GMDS: variants seen among roughly 807,000 people sequenced by gnomAD.
GMDS encodes GDP-mannose 4,6-dehydratase.
GMDS carries 20 observed loss-of-function variants against 49.9 expected under a neutral mutation model. The observed-to-expected ratio is 0.40, with a 90% confidence interval of 0.28 to 0.58. The LOEUF (loss-of-function observed/expected upper bound fraction) is 0.58. GMDS is among the 20% of genes least tolerant of loss of function. The probability of loss-of-function intolerance (pLI) is 0.42; values close to 1 mark genes in which losing one functional copy is unlikely to be tolerated. For synonymous variants in GMDS, 177 were observed against 178.6 expected, an observed-to-expected ratio of 0.99 and a Z score of 0.07; for missense variants, 362 against 481.4, an observed-to-expected ratio of 0.75 and a Z score of 2.32.
intron 4 of GMDS, among the ~76,000 whole-genome samples, chr6:2,070,905 G>A (rs1036552442): frequency 2.0e-5 from 3 of 152,106 alleles, no homozygotes; most frequent in African/African-American, 4.8e-5. Flanking sequence ...ATTCCTGACT[G>A]GCTCTCCTGG....
At chr6:2,195,640 T>A (rs1779244548) in intron 1 of GMDS, among the ~76,000 whole-genome samples, 1 of 152,248 alleles carries the variant, frequency 6.6e-6, no homozygotes, top group South Asian at 2.1e-4. Context: ...GTATTATGTG[T>A]CCTTCTTTTT....
chr6:1,798,474 T>C (rs1769824807), intron 7 of GMDS, among the ~76,000 whole-genome samples: 1 of 152,176 alleles, frequency 6.6e-6, no homozygotes, highest in African/African-American at 2.4e-5. Context: ...CCACTGAGTC[T>C]TGTGCAAACC....
At chr6:1,904,811 GCCCTGTT>G (rs1049656349) in intron 7 of GMDS, among the ~76,000 whole-genome samples, 1 of 152,176 alleles carries the variant, frequency 6.6e-6, no homozygotes, top group African/African-American at 2.4e-5. Context: ...TGCTGACAAA[GCCCTGTT>G]CCCTCCTTGG....
At chr6:1,893,033 C>T (rs187878440) in intron 7 of GMDS, among the ~76,000 whole-genome samples, 22 of 152,212 alleles carry the variant, frequency 1.4e-4, no homozygotes, top group Middle Eastern at 3.4e-3. Context: ...AAGAGGGCAA[C>T]GAAAGTGCAA....
intron 7 of GMDS, among the ~76,000 whole-genome samples, chr6:1,783,655 A>G (rs1459417803): frequency 6.6e-6 from 1 of 152,254 alleles, no homozygotes; most frequent in East Asian, 1.9e-4. Context: ...TGTTTTACAT[A>G]GGTAGTGATA....
rs1763729161 is a variant in GMDS, at chr6:1,652,647, T to C, written c.988-28107A>G. On this transcript the variant is annotated intron_variant, in intron 9 of 10. Transcript: ENST00000380815. ...TTATTTATATATAATATATATAATATATATTATTTATATATAATATATATA... is the reference window on the plus strand; with the variant it reads ...TTATTTATATATAATATATATAATACATATTATTTATATATAATATATATA... Among the ~76,000 whole-genome samples, 2 of 12,120 alleles carry C rather than the reference T, an allele frequency of 1.7e-4. 1 individual carries two copies. The highest frequency in any genetic ancestry group is 3.2e-4 in the Non-Finnish European group (2 of 6,306). 8.0% of individuals were successfully genotyped at this position (12,120 alleles called of 152,430 possible).
chr6:2,237,643 T>C (rs1162344048), intron 1 of GMDS, among the ~76,000 whole-genome samples: 1 of 149,338 alleles, frequency 6.7e-6, no homozygotes, highest in Non-Finnish European at 1.5e-5. Flanking sequence ...TGCCTCAGCC[T>C]CCCGAGTACT....
At chr6:2,175,164 T>C (rs1438000312) in intron 1 of GMDS, among the ~76,000 whole-genome samples, 2 of 152,050 alleles carry the variant, frequency 1.3e-5, no homozygotes, top group Non-Finnish European at 2.9e-5. Context: ...ATAATCACAT[T>C]TTTGCTTCTT....
chr6:1,632,950 C>T (rs1763041845), intron 9 of GMDS, among the ~76,000 whole-genome samples: 1 of 152,218 alleles, frequency 6.6e-6, no homozygotes, highest in African/African-American at 2.4e-5. Flanking sequence ...CACAACGTGG[C>T]TCAACCACTT....
chr6:1,926,727 T>C (rs1252906848), intron 7 of GMDS, among the ~76,000 whole-genome samples: 3 of 152,246 alleles, frequency 2.0e-5, no homozygotes, highest in Admixed American at 6.5e-5. Flanking sequence ...GGAATGATCA[T>C]ATTTCTTAAA....
chr6:2,048,817 T>G (rs985727189), intron 4 of GMDS, among the ~76,000 whole-genome samples: 1 of 152,256 alleles, frequency 6.6e-6, no homozygotes, highest in African/African-American at 2.4e-5. Context: ...GTTGTTATTC[T>G]ATAGAAATAC....
intron 8 of GMDS, among the ~76,000 whole-genome samples, chr6:1,740,204 TA>T (rs544493928): frequency 1.3e-5 from 2 of 152,164 alleles, no homozygotes; most frequent in Non-Finnish European, 2.9e-5. Flanking sequence ...AGAGAGTTAT[TA>T]AAAAAAGTAA....
At chr6:1,642,186 A>C (rs1763351865) in intron 9 of GMDS, among the ~76,000 whole-genome samples, 2 of 148,166 alleles carry the variant, frequency 1.3e-5, no homozygotes, top group Non-Finnish European at 3.0e-5. Flanking sequence ...TTTAAGAAAA[A>C]AATAGAGTCT....
chr6:1,926,443 A>G (rs1234998779), intron 7 of GMDS, among the ~76,000 whole-genome samples: 3 of 152,154 alleles, frequency 2.0e-5, no homozygotes, highest in Non-Finnish European at 4.4e-5. Context: ...CCACCATCAC[A>G]CGCTCTGCGA....
chr6:1,958,412 G>A (rs907597389), intron 6 of GMDS, among the ~76,000 whole-genome samples: 4 of 152,044 alleles, frequency 2.6e-5, no homozygotes, highest in Non-Finnish European at 1.5e-5. Context: ...CTCTGTGGGC[G>A]CCCTCATACC....
At chr6:1,988,407 T>A (rs1020755425) in intron 4 of GMDS, among the ~76,000 whole-genome samples, 1 of 151,714 alleles carries the variant, frequency 6.6e-6, no homozygotes, top group Non-Finnish European at 1.5e-5. Context: ...GTACCCCTTC[T>A]CCAGCCCAAT....
intron 1 of GMDS, among the ~76,000 whole-genome samples, chr6:2,235,546 C>T (rs949966621): frequency 2.6e-5 from 4 of 151,956 alleles, no homozygotes; most frequent in Admixed American, 1.3e-4. Flanking sequence ...TGGCTGACAC[C>T]TGCAATACCA....
At chr6:1,775,707 A>T (rs1561796259) in intron 7 of GMDS, among the ~76,000 whole-genome samples, 1 of 152,338 alleles carries the variant, frequency 6.6e-6, no homozygotes, top group Admixed American at 6.5e-5. Context: ...TTGCTGTGAA[A>T]TGCAATGAAA....
intron 9 of GMDS, among the ~76,000 whole-genome samples, chr6:1,662,847 A>T (rs1281131172): frequency 1.3e-5 from 2 of 152,188 alleles, no homozygotes; most frequent in African/African-American, 4.8e-5. Flanking sequence ...GCTGGGAGGA[A>T]TGCTACTTTG....
Sources: gnomAD v4.1 joint callset for allele counts (sites outside exome capture counted in the v4.1 genomes callset) on GRCh38, gnomAD v4.1.1 for gene constraint, MANE v1.5 for transcripts, NCBI Gene and HGNC (gene_info 2026-07-23, HGNC 2026-07-21) for gene names.